The following GNAO1 variants were observed in gnomAD, a reference collection of about 807,000 sequenced individuals.
The protein encoded by GNAO1 is guanine nucleotide-binding protein G(o) subunit alpha.
For synonymous variants in GNAO1, 164 were observed against 180.7 expected (o/e 0.91, Z 0.74); for missense variants, 166 against 478.7 (o/e 0.35, Z 6.10).
At chr16:56,340,682 C>T in intron 6 of GNAO1, 1 of 696,608 alleles carries the variant, frequency 1.4e-6, no homozygotes, top group Non-Finnish European at 2.5e-6. Context: ...CCTTGTGGGT[C>T]CTCCCGTCTC....
chr16:56,256,533 T>C (rs1465600355), intron 2 of GNAO1, among the ~76,000 whole-genome samples: 1 of 152,156 alleles, frequency 6.6e-6, no homozygotes, highest in African/African-American at 2.4e-5. Flanking sequence ...TGTACCCCCA[T>C]CTGCCCAAAG....
intron 2 of GNAO1, among the ~76,000 whole-genome samples, chr16:56,211,607 G>A (rs2036388890): frequency 1.3e-5 from 2 of 152,170 alleles, no homozygotes; most frequent in Admixed American, 6.5e-5. Context: ...CCCAACCAAG[G>A]AAATGAGTTC....
At chr16:56,274,388 A>G (rs968753990) in intron 2 of GNAO1, among the ~76,000 whole-genome samples, 9 of 152,206 alleles carry the variant, frequency 5.9e-5, no homozygotes, top group African/African-American at 2.2e-4. Flanking sequence ...TACTTTTACA[A>G]AACTGGACTT....
At chr16:56,238,695 A>G (rs763248090) in intron 2 of GNAO1, among the ~76,000 whole-genome samples, 1 of 152,252 alleles carries the variant, frequency 6.6e-6, no homozygotes, top group Non-Finnish European at 1.5e-5. Flanking sequence ...TTGGCATAGC[A>G]TGTGCTTCCC....
At chr16:56,280,019 G>C (rs1320120451) in intron 3 of GNAO1, among the ~76,000 whole-genome samples, 2 of 152,108 alleles carry the variant, frequency 1.3e-5, no homozygotes, top group Non-Finnish European at 2.9e-5. Flanking sequence ...AGTTTTCAGA[G>C]AAAAAAAGGC....
chr16:56,315,262 G>A (rs186386386), intron 3 of GNAO1, among the ~76,000 whole-genome samples: 24 of 152,316 alleles, frequency 1.6e-4, no homozygotes, highest in Admixed American at 1.3e-3. Context: ...TCGTCACTTC[G>A]TGTTCTGAAG....
chr16:56,234,005 T>C (rs552354383), intron 2 of GNAO1, among the ~76,000 whole-genome samples: 31 of 152,358 alleles, frequency 2.0e-4, no homozygotes, highest in African/African-American at 6.7e-4. Flanking sequence ...CCCCAGCCTC[T>C]CTACCTTCAG....
chr16:56,192,847 C>T (rs541127529), intron 2 of GNAO1: 5 of 553,512 alleles, frequency 9.0e-6, no homozygotes, highest in African/African-American at 7.5e-5. Flanking sequence ...GGAAGGGGAG[C>T]GCCTGTAGTT....
intron 6 of GNAO1, chr16:56,344,277 T>C: frequency 8.1e-7 from 1 of 1,239,682 alleles, no homozygotes; most frequent in Non-Finnish European, 1.0e-6. Context: ...ACCTGATGAC[T>C]CACTGGAAGC....
chr16:56,353,722 G>A lies in GNAO1; in HGVS notation c.878-1144G>A, dbSNP rs79892576. ...GGAAGCTCCTGGGCAGGGTCCACACGGGCTGCTTTGTCCAATCCTTAACAG... is the reference window on the plus strand; with the variant it reads ...GGAAGCTCCTGGGCAGGGTCCACACAGGCTGCTTTGTCCAATCCTTAACAG... On this transcript the variant is annotated intron_variant, in intron 7 of 8. Transcript: ENST00000262493. Among the ~76,000 whole-genome samples the A allele has an allele frequency of 5.2e-3, 797 of 152,306 alleles. 7 individuals are homozygous for A. The highest frequency in any genetic ancestry group is 0.018 in the African/African-American group (756 of 41,564).
In GNAO1 at chr16:56,351,444, G is replaced by A; in HGVS notation, c.784G>A (p.Asp262Asn). 2.5e-6 allele frequency: 4 copies of A among 1,610,176 alleles called. No homozygotes were observed. Among genetic ancestry groups the A allele is most frequent in the East Asian group, 4.5e-5 (2 of 44,850 alleles). ...CATCTGTAACAACAAGTTCTTCATC[G>A]ATACCTCCATCATTCTCTTCCTCAA... ...DSICNNKFFI[D>N]TSIILFLNKK... Residue 262 changes from aspartate to asparagine, a missense_variant, in exon 7 of 9, where the codon GAT (aspartate) becomes AAT (asparagine). Coordinates refer to ENST00000262493, the MANE Select transcript of GNAO1 (RefSeq NM_020988.3). The surrounding 1 kb of genome is among the most constrained non-coding windows in gnomAD (Gnocchi z 6.1).
intron 2 of GNAO1, among the ~76,000 whole-genome samples, chr16:56,210,769 G>A (rs372468868): frequency 6.6e-6 from 1 of 152,312 alleles, no homozygotes; most frequent in African/African-American, 2.4e-5. Flanking sequence ...TGGGTCATTT[G>A]TGTTCTTATT....
intron 2 of GNAO1, among the ~76,000 whole-genome samples, chr16:56,201,657 C>G (rs1253944142): frequency 1.3e-5 from 2 of 151,962 alleles, no homozygotes; most frequent in African/African-American, 2.4e-5. Context: ...GGAAAGGAAA[C>G]AGATTCAAGA....
chr16:56,288,940 C>A (rs1301245530), intron 3 of GNAO1, among the ~76,000 whole-genome samples: 2 of 152,056 alleles, frequency 1.3e-5, no homozygotes, highest in Non-Finnish European at 2.9e-5. Context: ...CCCCACCCTA[C>A]CTCCTTTTTA....
At chr16:56,292,854 ACT>A (rs2037245792) in intron 3 of GNAO1, among the ~76,000 whole-genome samples, 1 of 152,150 alleles carries the variant, frequency 6.6e-6, no homozygotes, top group African/African-American at 2.4e-5. Flanking sequence ...GTTTCTTGAC[ACT>A]CTGGAAAATG....
intron 3 of GNAO1, among the ~76,000 whole-genome samples, chr16:56,322,902 C>T (rs528300655): frequency 6.6e-6 from 1 of 152,180 alleles, no homozygotes; most frequent in Non-Finnish European, 1.5e-5. Flanking sequence ...ATCCTGCAGA[C>T]GTGGCTGAGC....
chr16:56,256,718 C>CTCTGTG (rs1295470655), intron 2 of GNAO1, among the ~76,000 whole-genome samples: 19 of 72,304 alleles, frequency 2.6e-4, no homozygotes, highest in South Asian at 9.2e-4. Context: ...CTCTCTCTCT[C>CTCTGTG]TGTGTGTGTG....
intron 2 of GNAO1, among the ~76,000 whole-genome samples, chr16:56,271,352 C>T (rs190336408): frequency 6.6e-6 from 1 of 152,364 alleles, no homozygotes; most frequent in Non-Finnish European, 1.5e-5. Flanking sequence ...GCACTTAGCA[C>T]AGAGGGTAAA....
At position 56,351,051 on chromosome 16, in the gene GNAO1, C is replaced by G. The variant is rs2037916782; in HGVS notation, c.724-333C>G. On this transcript the variant is annotated intron_variant, in intron 6 of 8. Coordinates refer to ENST00000262493, the MANE Select transcript of GNAO1 (RefSeq NM_020988.3). The surrounding 1 kb of genome is among the most constrained non-coding windows in gnomAD (Gnocchi z 6.1). ...GCACACACACACAGGCACATGCACA[C>G]AGCCACACACACGTGTGCTGGGAGA... is the stretch of plus-strand genomic sequence containing the variant. 2.0e-5 allele frequency among the ~76,000 whole-genome samples: 3 copies of G among 152,194 alleles called. No individual in the cohort carries two copies. Among genetic ancestry groups the G allele is most frequent in the African/African-American group, 7.2e-5 (3 of 41,442 alleles).
Sources: allele counts gnomAD v4.1 joint callset (sites outside exome capture counted in the v4.1 genomes callset), GRCh38; gene constraint gnomAD v4.1.1; non-coding constraint Gnocchi (gnomAD v3.1); transcripts MANE v1.5; gene names NCBI Gene and HGNC (gene_info 2026-07-23, HGNC 2026-07-21).